Variants in DENND4C observed in about 807,000 individuals in gnomAD.
DENND4C encodes DENN domain containing 4C.
DENND4C carries 108 observed loss-of-function variants against 203.0 expected under a neutral mutation model. The ratio of observed to expected loss-of-function variants is 0.53; its 90% CI spans 0.46 to 0.62. The LOEUF (loss-of-function observed/expected upper bound fraction) is 0.62. Ranked by LOEUF, DENND4C falls within the 20% of genes least tolerant of loss-of-function variation. DENND4C has a pLI of 0.00. For missense variants in DENND4C, 2,481 were observed against 2,301.2 expected, an observed-to-expected ratio of 1.08 and a Z score of -1.60; for synonymous variants, 871 against 792.4, an observed-to-expected ratio of 1.10 and a Z score of -1.67.
At chr9:19,350,025 T>C (rs534126525) in intron 23 of DENND4C, among the ~76,000 whole-genome samples, 11 of 152,158 alleles carry the variant, frequency 7.2e-5, no homozygotes, top group Non-Finnish European at 1.6e-4. Context: ...TGTAACATGG[T>C]TTTATAACAA....
At position 19,358,512 on chromosome 9, in the gene DENND4C, A is replaced by G. The variant is rs1314078616; in HGVS notation, c.5160+352A>G. ...TATCCCTGAATGATGAGGACTTTAG[A>G]AAAATATAATCACACTGCTTTTATC... On this transcript the variant is annotated intron_variant, in intron 28 of 32. Transcript: ENST00000434457. This position sits in a 1 kb window ranked among gnomAD's most constrained non-coding sequence, Gnocchi z 4.8. 6.7e-6 allele frequency among the ~76,000 whole-genome samples: 1 copy of G among 149,058 alleles called. No homozygotes were observed. Among genetic ancestry groups the G allele is most frequent in the Non-Finnish European group, 1.5e-5 (1 of 68,008 alleles).
intron 12 of DENND4C, 40 bp from the exon 13 acceptor site, chr9:19,324,322 A>G (rs1280167976): frequency 1.8e-5 from 27 of 1,495,074 alleles, no homozygotes; most frequent in Non-Finnish European, 2.2e-5. Flanking sequence ...ATCGAATTCC[A>G]GTTTAAAATT....
At chr9:19,250,615 G>A (rs1826326287) in intron 1 of DENND4C, among the ~76,000 whole-genome samples, 1 of 152,150 alleles carries the variant, frequency 6.6e-6, no homozygotes, top group Non-Finnish European at 1.5e-5. Context: ...CCGCCGATTA[G>A]CTTGTAAAAT....
rs1554717864 is a variant in DENND4C, at chr9:19,282,715, C to CTTTTT, written c.306-4039_306-4035dup. On this transcript the variant is annotated intron_variant, in intron 2 of 32. Coordinates refer to ENST00000434457, the MANE Select transcript of DENND4C (RefSeq NM_001330640.2). ...TTTTCTTTTTCTTTTTTTCTTCTCTCTTTTTTTTTTTTTTTTTTTGAGACA... is the reference window on the plus strand; with the variant it reads ...TTTTCTTTTTCTTTTTTTCTTCTCTCTTTTTTTTTTTTTTTTTTTTTTTTGAGACA... Among the ~76,000 whole-genome samples the CTTTTT allele has an allele frequency of 5.1e-3, 446 of 86,652 alleles. 23 individuals are homozygous for CTTTTT. Among genetic ancestry groups the CTTTTT allele is most frequent in the African/African-American group, 0.019 (420 of 22,616 alleles). 56.8% of individuals were successfully genotyped at this position (86,652 alleles called of 152,430 possible). A position where few individuals can be genotyped will look rare whatever the true frequency, so the allele number is the denominator to read the frequency against.
chr9:19,231,505 G>C (rs574343117), intron 1 of DENND4C, among the ~76,000 whole-genome samples: 1 of 151,986 alleles, frequency 6.6e-6, no homozygotes, highest in East Asian at 1.9e-4. Flanking sequence ...CTCCTGTAAA[G>C]AGCTGTAACT....
At chr9:19,343,675 C>T (rs1402117643) in intron 22 of DENND4C, among the ~76,000 whole-genome samples, 2 of 152,180 alleles carry the variant, frequency 1.3e-5, no homozygotes, top group Non-Finnish European at 2.9e-5. Flanking sequence ...ATTGCAGATT[C>T]CATTTTCCTA....
At chr9:19,350,921 GTTTTTGCTTTTTTTTTTTAA>G in intron 24 of DENND4C, 42 bp downstream of exon 24, 1 of 1,516,790 alleles carries the variant, frequency 6.6e-7, no homozygotes, top group South Asian at 1.3e-5. Flanking sequence ...CTTTATAATA[GTTTTTGCTTTTTTTTTTTAA>G]TTTAAGAGAC....
In DENND4C at chr9:19,336,836, C is replaced by T; in HGVS notation, c.2881+4C>T. 6.5e-7 allele frequency: 1 copy of T among 1,545,154 alleles called. No homozygotes were observed. The highest frequency in any genetic ancestry group is 8.7e-7 in the Non-Finnish European group (1 of 1,145,106). The stretch of plus-strand genomic sequence containing the variant: ...ATTGATAATCACTCTAGCACAGGTA[C>T]TAAAATCCAGATTTTACTAACCCTT... On this transcript the variant is annotated splice_donor_region_variant and intron_variant, in intron 20 of 32. Transcript: ENST00000434457.
intron 4 of DENND4C, 70 bp downstream of exon 4, chr9:19,288,735 G>A: frequency 1.3e-6 from 1 of 764,802 alleles, no homozygotes; most frequent in Non-Finnish European, 1.8e-6. Context: ...GGCTAAAAGA[G>A]ATAAAGTATG....
At chr9:19,294,624 G>C (rs1837046557) in intron 5 of DENND4C, among the ~76,000 whole-genome samples, 1 of 152,038 alleles carries the variant, frequency 6.6e-6, no homozygotes, top group East Asian at 1.9e-4. Flanking sequence ...GGCGGAAGGT[G>C]GAAACAACCC....
At chr9:19,334,285 A>T (rs571294012) in intron 17 of DENND4C, among the ~76,000 whole-genome samples, 60 of 152,212 alleles carry the variant, frequency 3.9e-4, no homozygotes, top group African/African-American at 1.3e-3. Context: ...TCCTGACCTC[A>T]GGTGATCTGC....
rs972347769 is a variant in DENND4C at position 19,352,603 on chromosome 9, C to A, written c.4719C>A (p.Phe1573Leu). The A allele has an allele frequency of 3.7e-6, 6 of 1,613,452 alleles. No individual in the cohort carries two copies. In the African/African-American group the frequency reaches 5.3e-5, roughly 14 times the overall value. The change falls in exon 26 of 33, where the codon TTC becomes TTA. Residue 1573 changes from phenylalanine (F) to leucine (L), a missense_variant. Around this residue, in one of 3 missense-constraint regions of DENND4C, gnomAD observed 2,289 missense variants for 2,113.3 expected, o/e 1.08. Coordinates refer to ENST00000434457, the MANE Select transcript of DENND4C (RefSeq NM_001330640.2). ...DDSNLNTACP[F>L]CKSNFLPLLN... ...CAAATTTGAATACAGCTTGTCCATTCTGTAAAAGCAACTTCTTGCCTCTTC... is the reference window on the plus strand; with the variant it reads ...CAAATTTGAATACAGCTTGTCCATTATGTAAAAGCAACTTCTTGCCTCTTC...
At chr9:19,257,026 C>T (rs1828146106) in intron 1 of DENND4C, among the ~76,000 whole-genome samples, 1 of 150,076 alleles carries the variant, frequency 6.7e-6, no homozygotes, top group Non-Finnish European at 1.5e-5. Context: ...GCCGAGATCA[C>T]GCCACTGTAC....
At chr9:19,371,989 TTG>T (rs1167058189) in intron 32 of DENND4C, 46 bp from the exon 33 acceptor site, 2 of 1,580,182 alleles carry the variant, frequency 1.3e-6, no homozygotes, top group African/African-American at 1.4e-5. Flanking sequence ...TGAACGGCTG[TTG>T]TCTTTCTTAA....
intron 30 of DENND4C, among the ~76,000 whole-genome samples, chr9:19,366,729 A>T (rs182407537): frequency 2.6e-5 from 4 of 152,362 alleles, no homozygotes; most frequent in Admixed American, 1.3e-4. Context: ...ACCTAAATGT[A>T]AGAGCTAAAA....
At chr9:19,286,454 T>C (rs1216022960) in intron 2 of DENND4C, among the ~76,000 whole-genome samples, 1 of 152,204 alleles carries the variant, frequency 6.6e-6, no homozygotes, top group Admixed American at 6.5e-5. Context: ...AAGATGTTTG[T>C]GGTGTTGCCC....
rs1342614167 is a variant in DENND4C at position 19,300,222 on chromosome 9, G to A, written c.1202G>A (p.Gly401Asp). ...TTTAGCACCTTGCTAATGAATCTGGGTCCTGAGAATTGTGCAACACTGCTG... is the reference window on the plus strand; with the variant it reads ...TTTAGCACCTTGCTAATGAATCTGGATCCTGAGAATTGTGCAACACTGCTG... ...ANFSTLLMNL[G>D]PENCATLLLF... The change falls in exon 9 of 33, where the codon GGT (glycine) becomes GAT (aspartate). Residue 401 changes from glycine to aspartate, a missense_variant. This residue lies in a region of DENND4C where 2,289 missense variants were observed against 2,113.3 expected (regional missense o/e 1.08). Coordinates refer to ENST00000434457, the MANE Select transcript of DENND4C (RefSeq NM_001330640.2). The A allele has an allele frequency of 6.2e-7, 1 of 1,611,342 alleles. No homozygotes were observed.
chr9:19,243,747 G>A (rs771881388), intron 1 of DENND4C, among the ~76,000 whole-genome samples: 1 of 152,146 alleles, frequency 6.6e-6, no homozygotes, highest in Non-Finnish European at 1.5e-5. Flanking sequence ...TGACTTGATA[G>A]GCATTTACAT....
intron 9 of DENND4C, among the ~76,000 whole-genome samples, chr9:19,303,302 C>T (rs552747474): frequency 1.2e-4 from 19 of 152,176 alleles, no homozygotes; most frequent in African/African-American, 4.1e-4. Context: ...TTATGTTTTT[C>T]ATTTATTTTC....
Sources: allele counts gnomAD v4.1 joint callset (sites outside exome capture counted in the v4.1 genomes callset), GRCh38; gene constraint gnomAD v4.1.1; regional missense constraint gnomAD v4.1.1; non-coding constraint Gnocchi (gnomAD v3.1); transcripts MANE v1.5; gene names NCBI Gene and HGNC (gene_info 2026-07-23, HGNC 2026-07-21).